The following PHACTR1 variants were observed in gnomAD, a reference collection of about 807,000 sequenced individuals.
The protein encoded by PHACTR1 is RPEL repeat containing 1.
PHACTR1 carries 16 observed loss-of-function variants against 69.2 expected under a neutral mutation model. The ratio of observed to expected loss-of-function variants is 0.23; its 90% CI spans 0.16 to 0.35. The LOEUF (loss-of-function observed/expected upper bound fraction) is 0.35, where lower values mean the gene tolerates loss of function less well. Among genes scored for constraint, PHACTR1 ranks in the 10% least tolerant of loss-of-function variants. The pLI, the probability that PHACTR1 is intolerant of heterozygous loss-of-function variation, is 1.00. For synonymous variants in PHACTR1, 312 were observed against 284.5 expected (o/e 1.10, Z -0.97); for missense variants, 510 against 734.7 (o/e 0.69, Z 3.54).
intron 4 of PHACTR1, among the ~76,000 whole-genome samples, chr6:12,812,695 C>A (rs926566717): frequency 6.6e-6 from 1 of 152,212 alleles, no homozygotes; most frequent in African/African-American, 2.4e-5. Context: ...TCTGCTGATA[C>A]GTTAGTGATT....
intron 8 of PHACTR1, chr6:13,214,025 A>G (rs1017355473): frequency 5.9e-5 from 9 of 152,190 alleles, no homozygotes; most frequent in African/African-American, 2.2e-4. Context: ...TTTTGTTACA[A>G]ACTGTCTCAA....
In PHACTR1 at chr6:13,064,594, ATATATATATATCTATATATC is replaced by A. The variant is rs1161300874; in HGVS notation, c.415+11069_415+11088del. On this transcript the variant is annotated intron_variant, in intron 5 of 14. Transcript: ENST00000332995. ...TATATATATATATATATATATATATATATATATATATCTATATATCTATCTATCCACACTTGCCAGACTAT... is the reference window on the plus strand; with the variant it reads ...TATATATATATATATATATATATATATATCTATCCACACTTGCCAGACTAT... Among the ~76,000 whole-genome samples, 32 of 8,372 alleles carry A rather than the reference ATATATATATATCTATATATC, an allele frequency of 3.8e-3. 3 individuals carry two copies. Among genetic ancestry groups the A allele is most frequent in the South Asian group, 5.6e-3 (1 of 178 alleles). The allele number at this position is 8,372 out of a possible 152,430, so 5.5% of individuals were successfully genotyped here.
chr6:13,087,143 A>G (rs1812450859), intron 5 of PHACTR1, among the ~76,000 whole-genome samples: 2 of 147,676 alleles, frequency 1.4e-5, no homozygotes, highest in Admixed American at 1.4e-4. Flanking sequence ...TATATATATA[A>G]CATATATATT....
chr6:13,197,668 G>C (rs1764625378), intron 7 of PHACTR1, among the ~76,000 whole-genome samples: 1 of 152,074 alleles, frequency 6.6e-6, no homozygotes, highest in Admixed American at 6.6e-5. Context: ...TTTACATTAG[G>C]TATGTCTCCT....
chr6:13,150,225 C>T (rs1824093077), intron 5 of PHACTR1, among the ~76,000 whole-genome samples: 1 of 151,982 alleles, frequency 6.6e-6, no homozygotes, highest in Non-Finnish European at 1.5e-5. Flanking sequence ...CATGCCTGTC[C>T]CAGCAACTTG....
intron 4 of PHACTR1, among the ~76,000 whole-genome samples, chr6:12,839,464 G>A (rs1778479663): frequency 6.6e-6 from 1 of 152,008 alleles, no homozygotes; most frequent in African/African-American, 2.4e-5. Flanking sequence ...GTAAAGTCAG[G>A]TTTTGTCATG....
intron 4 of PHACTR1, among the ~76,000 whole-genome samples, chr6:12,880,800 C>T (rs2127454714): frequency 6.6e-6 from 1 of 152,188 alleles, no homozygotes; most frequent in Non-Finnish European, 1.5e-5. Flanking sequence ...TGAGAAAAGA[C>T]AATAGGTAAA....
intron 7 of PHACTR1, among the ~76,000 whole-genome samples, chr6:13,191,763 A>G (rs538834796): frequency 7.2e-5 from 11 of 152,338 alleles, no homozygotes; most frequent in Non-Finnish European, 1.5e-4. Context: ...AAAGGTTTTT[A>G]AGATGTCAAA....
chr6:13,112,696 T>C (rs1817223469), intron 5 of PHACTR1, among the ~76,000 whole-genome samples: 1 of 152,256 alleles, frequency 6.6e-6, no homozygotes, highest in Non-Finnish European at 1.5e-5. Context: ...TGTCTTTTCA[T>C]GTCCTTTGTC....
chr6:13,091,839 C>T (rs977372404), intron 5 of PHACTR1, among the ~76,000 whole-genome samples: 5 of 152,034 alleles, frequency 3.3e-5, no homozygotes, highest in Admixed American at 2.0e-4. Context: ...CCTCTGTCAC[C>T]CAGGCTGGAG....
chr6:12,988,896 T>C (rs1582850335), intron 4 of PHACTR1, among the ~76,000 whole-genome samples: 1 of 152,374 alleles, frequency 6.6e-6, no homozygotes, highest in East Asian at 1.9e-4. Context: ...AAGCAGGATT[T>C]AGGTGCAAGG....
At chr6:13,161,744 C>A (rs902783695) in intron 6 of PHACTR1, among the ~76,000 whole-genome samples, 1 of 152,124 alleles carries the variant, frequency 6.6e-6, no homozygotes, top group Non-Finnish European at 1.5e-5. Flanking sequence ...CTCCTTCATT[C>A]TTGTCATGGG....
rs1770577162 is a variant in PHACTR1 at position 13,230,066 on chromosome 6, G to A, written c.1264G>A (p.Asp422Asn). The A allele has an allele frequency of 4.3e-6, 7 of 1,611,184 alleles. No homozygotes were observed. Among genetic ancestry groups the A allele is most frequent in the Non-Finnish European group, 5.9e-6 (7 of 1,178,768 alleles). Residue 422 changes from aspartate (D) to asparagine (N), a missense_variant, in exon 10 of 15, where the codon GAC (aspartate) becomes AAC (asparagine). Physicochemically the swap from Asp to Asn is conservative, Grantham distance 23 (BLOSUM62 1). This residue lies in a region of PHACTR1 where 91 missense variants were observed against 203.8 expected (regional missense o/e 0.45). Transcript: ENST00000332995. ...SSLAMKVCRKDSLAIKLSNRP... is the reference protein window; with the variant it reads ...SSLAMKVCRKNSLAIKLSNRP... ...CCTGGCCATGAAGGTCTGCAGGAAGGACTCCTTAGCCATCAAACTCAGCAA... is the reference window on the plus strand; with the variant it reads ...CCTGGCCATGAAGGTCTGCAGGAAGAACTCCTTAGCCATCAAACTCAGCAA...
chr6:13,107,110 C>G (rs1289055627), intron 5 of PHACTR1, among the ~76,000 whole-genome samples: 1 of 151,906 alleles, frequency 6.6e-6, no homozygotes, highest in South Asian at 2.1e-4. Flanking sequence ...CTCTCTTTTA[C>G]TCTCTTGCCC....
At chr6:13,133,647 A>G (rs999374737) in intron 5 of PHACTR1, among the ~76,000 whole-genome samples, 3 of 151,926 alleles carry the variant, frequency 2.0e-5, no homozygotes, top group African/African-American at 7.3e-5. Context: ...GCTCGCTACA[A>G]CTTCCACCTC....
At chr6:12,896,710 G>A (rs1252221514) in intron 4 of PHACTR1, among the ~76,000 whole-genome samples, 1 of 152,202 alleles carries the variant, frequency 6.6e-6, no homozygotes, top group African/African-American at 2.4e-5. Context: ...CTTATTTAGG[G>A]AATAAAGTGT....
chr6:12,894,447 A>G (rs1434631968), intron 4 of PHACTR1, among the ~76,000 whole-genome samples: 1 of 152,130 alleles, frequency 6.6e-6, no homozygotes, highest in Non-Finnish European at 1.5e-5. Context: ...TCTACTAAAA[A>G]CACAAAAATT....
At chr6:12,996,628 T>G (rs1797440769) in intron 4 of PHACTR1, among the ~76,000 whole-genome samples, 1 of 152,194 alleles carries the variant, frequency 6.6e-6, no homozygotes, top group Non-Finnish European at 1.5e-5. Context: ...TTATTTAAGC[T>G]ATTCCAGAGA....
chr6:12,726,237 C>T (rs977521978), intron 3 of PHACTR1, among the ~76,000 whole-genome samples: 3 of 152,128 alleles, frequency 2.0e-5, no homozygotes, highest in African/African-American at 4.8e-5. Context: ...TAGTATTCTT[C>T]TGAAAAGGGC....
Sources: allele counts gnomAD v4.1 joint callset (sites outside exome capture counted in the v4.1 genomes callset), GRCh38; gene constraint gnomAD v4.1.1; regional missense constraint gnomAD v4.1.1; transcripts MANE v1.5; gene names NCBI Gene and HGNC (gene_info 2026-07-23, HGNC 2026-07-21).